RBBP4: variants seen among roughly 807,000 people sequenced by gnomAD.
The protein encoded by RBBP4 is RB binding protein 4, chromatin remodeling factor, also known as histone-binding protein RBBP4.
In RBBP4, 3 loss-of-function variants were observed where a neutral mutation model predicts 57.2. The observed-to-expected ratio is 0.05, with a 90% CI of 0.02 to 0.14. RBBP4 has a LOEUF of 0.14. Ranked by LOEUF, RBBP4 falls within the 10% of genes least tolerant of loss-of-function variation. RBBP4 has a pLI of 1.00. For missense variants in RBBP4, 107 were observed against 520.6 expected (o/e 0.21, Z 7.73); for synonymous variants, 151 against 171.5 (o/e 0.88, Z 0.93).
In RBBP4 at chr1:32,680,687, A is replaced by G; in HGVS notation, c.*982A>G. The G allele has an allele frequency of 1.4e-6, 1 of 740,688 alleles. No individual in the cohort carries two copies. The highest frequency in any genetic ancestry group is 2.1e-5 in the South Asian group (1 of 48,034). 45.9% of individuals were successfully genotyped at this position (740,688 alleles called of 1,614,324 possible). A position where few individuals can be genotyped will look rare whatever the true frequency, so the allele number is the denominator to read the frequency against. On this transcript the variant is annotated 3_prime_UTR_variant, in exon 12 of 12. Transcript: ENST00000373493. ...TGATGGGTTTTATTTAGTATAAAAC[A>G]TCCATCAAACACCAGTCTCTGGCTT... is the stretch of plus-strand genomic sequence containing the variant.
At chr1:32,661,451 T>C (rs1338072598) in intron 3 of RBBP4, among the ~76,000 whole-genome samples, 2 of 151,862 alleles carry the variant, frequency 1.3e-5, no homozygotes, top group African/African-American at 2.4e-5. Context: ...TGCGCCACCA[T>C]GCCCAGCTAA....
chr1:32,674,107 A>AAT (rs1296500980), intron 11 of RBBP4, among the ~76,000 whole-genome samples: 6 of 152,280 alleles, frequency 3.9e-5, no homozygotes, highest in Admixed American at 2.0e-4. Flanking sequence ...TCTCAATTAA[A>AAT]ATATATATAT....
chr1:32,675,353 G>A (rs1649053365), intron 11 of RBBP4, among the ~76,000 whole-genome samples: 1 of 151,906 alleles, frequency 6.6e-6, no homozygotes, highest in Non-Finnish European at 1.5e-5. Flanking sequence ...ACTATTAATT[G>A]AAGACAGAAA....
chr1:32,661,920 T>A (rs1294208141), intron 3 of RBBP4, among the ~76,000 whole-genome samples: 2 of 130,270 alleles, frequency 1.5e-5, no homozygotes, highest in Admixed American at 1.6e-4. Flanking sequence ...ACAGTCTTGC[T>A]CTATCACCAG....
Position 32,668,641 on chromosome 1 carries a change from G to A in RBBP4, c.485-98G>A, listed in dbSNP as rs1038192255. Reference sequence around the variant, plus strand: ...AACGGTTCCTATATCATTTATAAATGTTAAGAGCTTTAGACATCTTGACCA... The same window carrying A: ...AACGGTTCCTATATCATTTATAAATATTAAGAGCTTTAGACATCTTGACCA... On this transcript the variant is annotated intron_variant, in intron 4 of 11. Transcript: ENST00000373493. 22 of 974,380 alleles carry A rather than the reference G, an allele frequency of 2.3e-5. 1 individual carries two copies. Among genetic ancestry groups the A allele is most frequent in the Admixed American group, 1.2e-4 (5 of 42,776 alleles). The allele number at this position is 974,380 out of a possible 1,614,324, so 60.4% of individuals were successfully genotyped here.
chr1:32,668,060 C>T (rs1242032227), intron 3 of RBBP4, among the ~76,000 whole-genome samples, 165 bp from the exon 4 acceptor site: 2 of 151,314 alleles, frequency 1.3e-5, no homozygotes, highest in Non-Finnish European at 2.9e-5. Context: ...CCTGGAGTCA[C>T]GGGGGTAGGA....
rs1418991350 is a variant in RBBP4, at chr1:32,651,240, C to T, written c.-67C>T. 8.6e-6 allele frequency: 13 copies of T among 1,506,192 alleles called. No individual in the cohort carries two copies. Among genetic ancestry groups the T allele is most frequent in the Middle Eastern group, 2.3e-4 (1 of 4,322 alleles). 93.3% of individuals were successfully genotyped at this position (1,506,192 alleles called of 1,614,324 possible). On this transcript the variant is annotated 5_prime_UTR_variant, in exon 1 of 12. Coordinates refer to ENST00000373493, the MANE Select transcript of RBBP4 (RefSeq NM_005610.3). ...ATAGAGGCCGCGCGCACAGAGCGAG[C>T]TCTTGCAGCCTCCCCGCCCCTCCCG...
In RBBP4 at chr1:32,680,885, GTT is replaced by G. The variant is rs1553197487; in HGVS notation, c.*1182_*1183del. ...ACAGATTAGTCTTTGATAAGGTAAC[GTT>G]TCTTTGAAGTCTATCTGTAGAGAAC... On this transcript the variant is annotated 3_prime_UTR_variant, in exon 12 of 12. Coordinates refer to ENST00000373493, the MANE Select transcript of RBBP4 (RefSeq NM_005610.3). 1 of 252,624 alleles carries G rather than the reference GTT, an allele frequency of 4.0e-6. No individual in the cohort carries two copies. The highest frequency in any genetic ancestry group is 7.5e-6 in the Non-Finnish European group (1 of 133,876). 15.6% of individuals were successfully genotyped at this position (252,624 alleles called of 1,614,324 possible). A position where few individuals can be genotyped will look rare whatever the true frequency, so the allele number is the denominator to read the frequency against.
At chr1:32,679,610 G>T in intron 11 of RBBP4, 30 bp from the exon 12 acceptor site, 1 of 1,547,222 alleles carries the variant, frequency 6.5e-7, no homozygotes, top group Non-Finnish European at 8.7e-7. Context: ...AAGTCTTCAT[G>T]TTTAAATTCT....
At chr1:32,674,095 C>T (rs1272738488) in intron 11 of RBBP4, among the ~76,000 whole-genome samples, 3 of 152,020 alleles carry the variant, frequency 2.0e-5, no homozygotes, top group African/African-American at 7.3e-5. Flanking sequence ...AGCGAGACTC[C>T]GTCTCAATTA....
intron 3 of RBBP4, among the ~76,000 whole-genome samples, chr1:32,659,564 C>G (rs1648311306): frequency 2.4e-5 from 1 of 41,900 alleles, no homozygotes; most frequent in Non-Finnish European, 1.8e-4. Context: ...AACTCCGTCT[C>G]AAAAACAAAA....
In RBBP4 at chr1:32,677,921, G is replaced by A. The variant is rs1034626801; in HGVS notation, c.1213-1719G>A. ...AGCAGTAAATTTTGCTCCTGTGAAA[G>A]TGGTTCCTGTATTTTAAGATTATGC... On this transcript the variant is annotated intron_variant, in intron 11 of 11. Coordinates refer to ENST00000373493, the MANE Select transcript of RBBP4 (RefSeq NM_005610.3). Among the ~76,000 whole-genome samples the A allele has an allele frequency of 3.0e-4, 45 of 152,158 alleles. 1 individual carries two copies. Among genetic ancestry groups the A allele is most frequent in the African/African-American group, 9.9e-4 (41 of 41,436 alleles).
chr1:32,673,962 G>T (rs1193570469), intron 11 of RBBP4, among the ~76,000 whole-genome samples: 1 of 152,006 alleles, frequency 6.6e-6, no homozygotes, highest in African/African-American at 2.4e-5. Context: ...TTAGCCGGGC[G>T]TGGTGGCGGG....
At chr1:32,663,117 G>A (rs1042772312) in intron 3 of RBBP4, among the ~76,000 whole-genome samples, 2 of 152,110 alleles carry the variant, frequency 1.3e-5, no homozygotes, top group South Asian at 2.1e-4. Flanking sequence ...TCAAAAAGTG[G>A]CTCAGTGGTA....
At chr1:32,658,423 A>G (rs575502468) in intron 3 of RBBP4, among the ~76,000 whole-genome samples, 1 of 152,072 alleles carries the variant, frequency 6.6e-6, no homozygotes, top group African/African-American at 2.4e-5. Context: ...TTAAAGTGGT[A>G]GAAATGACTT....
At position 32,669,890 on chromosome 1, in the gene RBBP4, C is replaced by CA. The variant is rs68153136; in HGVS notation, c.966+336dup. 1.2e-4 allele frequency among the ~76,000 whole-genome samples: 18 copies of CA among 148,992 alleles called. No individual in the cohort carries two copies. The East Asian group carries it at 1.4e-3, about 11-fold the overall frequency. ...TGGGCGACAGAACGAGAGTCCGTCT[C>CA]AAAAAAAAAGAAAAAAGAAAAACCT... On this transcript the variant is annotated intron_variant, in intron 8 of 11. Transcript: ENST00000373493. The surrounding 1 kb of genome is among the most constrained non-coding windows in gnomAD (Gnocchi z 4.9).
Position 32,669,899 on chromosome 1 carries a change from A to AG in RBBP4, c.966+337dup, listed in dbSNP as rs11459018. On this transcript the variant is annotated intron_variant, in intron 8 of 11. Coordinates refer to ENST00000373493, the MANE Select transcript of RBBP4 (RefSeq NM_005610.3). The surrounding 1 kb of genome is among the most constrained non-coding windows in gnomAD (Gnocchi z 4.9). Reference sequence around the variant, plus strand: ...GAACGAGAGTCCGTCTCAAAAAAAAAGAAAAAAGAAAAACCTGGATGTATG... The same window carrying AG: ...GAACGAGAGTCCGTCTCAAAAAAAAAGGAAAAAAGAAAAACCTGGATGTATG... Among the ~76,000 whole-genome samples, 10,963 of 148,726 alleles carry AG rather than the reference A, an allele frequency of 0.074. 1,316 individuals are homozygous for AG. The highest frequency in any genetic ancestry group is 0.25 in the African/African-American group (10,307 of 40,910).
At position 32,683,292 on chromosome 1, in the gene RBBP4, G is replaced by GTT. The variant is rs1649576783; in HGVS notation, c.*3588_*3589insTT. 1 of 148,580 alleles carries GTT rather than the reference G, an allele frequency of 6.7e-6. No homozygotes were observed. The highest frequency in any genetic ancestry group is 2.5e-5 in the African/African-American group (1 of 40,408). 9.2% of individuals were successfully genotyped at this position (148,580 alleles called of 1,614,324 possible). A position where few individuals can be genotyped will look rare whatever the true frequency, so the allele number is the denominator to read the frequency against. ...AAAAAAAAAAAAAAAAAAAGAGTAA[G>GTT]TCTGTGTAACATGAACATCTCTGCT... On this transcript the variant is annotated 3_prime_UTR_variant, in exon 12 of 12. Coordinates refer to ENST00000373493, the MANE Select transcript of RBBP4 (RefSeq NM_005610.3).
At chr1:32,664,118 C>G (rs765721943) in intron 3 of RBBP4, among the ~76,000 whole-genome samples, 6 of 151,804 alleles carry the variant, frequency 4.0e-5, no homozygotes, top group Non-Finnish European at 8.8e-5. Flanking sequence ...TTATTAGAGA[C>G]GGGGTTTTAC....
Sources: gnomAD v4.1 joint callset for allele counts (sites outside exome capture counted in the v4.1 genomes callset) on GRCh38, gnomAD v4.1.1 for gene constraint, Gnocchi (gnomAD v3.1) non-coding constraint, MANE v1.5 for transcripts, NCBI Gene and HGNC (gene_info 2026-07-23, HGNC 2026-07-21) for gene names.